The following IDO2 variants were observed in gnomAD, a reference collection of about 807,000 sequenced individuals.
The protein encoded by IDO2 is indoleamine 2,3-dioxygenase-like 1 protein.
Under a neutral mutation model 45.1 loss-of-function variants are expected in IDO2, and 46 were observed. That is an observed-to-expected ratio of 1.02 (90% CI 0.80 to 1.30). IDO2 has a LOEUF of 1.30. Among genes scored for constraint, IDO2 ranks in the 50% most tolerant of loss-of-function variants. The pLI, the probability that IDO2 is intolerant of heterozygous loss-of-function variation, is 0.00. For missense variants in IDO2, 544 were observed against 491.8 expected (o/e 1.11, Z -1.00); for synonymous variants, 218 against 184.9 (o/e 1.18, Z -1.45).
At position 40,011,818 on chromosome 8, in the gene IDO2, A is replaced by C. The variant is rs60819849; in HGVS notation, c.720-1747A>C. The stretch of plus-strand genomic sequence containing the variant: ...CTAAGCCAAGGCTCACTGTTAATAA[A>C]TAGCAAAGGTAAAATTAAATTCCAT... On this transcript the variant is annotated intron_variant, in intron 9 of 10. Transcript: ENST00000502986. Among the ~76,000 whole-genome samples, 952 of 152,358 alleles carry C rather than the reference A, an allele frequency of 6.2e-3. 13 individuals are homozygous for C. The highest frequency in any genetic ancestry group is 0.022 in the African/African-American group (905 of 41,584).
chr8:39,966,123 G>T (rs1467458583), intron 3 of IDO2, among the ~76,000 whole-genome samples: 2 of 147,930 alleles, frequency 1.4e-5, no homozygotes, highest in Non-Finnish European at 3.0e-5. Context: ...CCAGCTCCCA[G>T]GTTCAAGCAA....
At chr8:40,013,101 C>G (rs1802331753) in intron 9 of IDO2, among the ~76,000 whole-genome samples, 1 of 151,862 alleles carries the variant, frequency 6.6e-6, no homozygotes, top group Non-Finnish European at 1.5e-5. Flanking sequence ...CTGTGTGTAT[C>G]TGTGTATGTA....
rs188392056 is a variant in IDO2, at chr8:40,004,797, A to G, written c.668-530A>G. ...TGGAATAGATCAAAAATAGTTGTTT[A>G]TATTAATGAAGGTAGCTAAACATGA... On this transcript the variant is annotated intron_variant, in intron 8 of 10. Coordinates refer to ENST00000502986, the Ensembl canonical transcript of IDO2. Among the ~76,000 whole-genome samples the G allele has an allele frequency of 2.6e-3, 400 of 152,340 alleles. 6 individuals carry two copies. Among genetic ancestry groups the G allele is most frequent in the African/African-American group, 9.1e-3 (380 of 41,576 alleles).
At chr8:39,975,064 G>A (rs141145931) in intron 3 of IDO2, among the ~76,000 whole-genome samples, 3,637 of 151,970 alleles carry the variant, frequency 0.024, 140 homozygotes, top group African/African-American at 0.082. Flanking sequence ...AGCCGAGATC[G>A]TGCCATCATG....
intron 2 of IDO2, among the ~76,000 whole-genome samples, chr8:39,950,364 T>G (rs1209290262): frequency 6.6e-6 from 1 of 152,070 alleles, no homozygotes; most frequent in African/African-American, 2.4e-5. Flanking sequence ...AAACCCCGTC[T>G]CTACTAAAAA....
rs566195674 is a variant in IDO2 at position 39,995,546 on chromosome 8, T to G, written c.667+5708T>G. Among the ~76,000 whole-genome samples, 22 of 152,042 alleles carry G rather than the reference T, an allele frequency of 1.4e-4. No homozygotes were observed. The South Asian group carries it at 4.6e-3, about 32-fold the overall frequency. ...ATCCACCTGCCTCGGCCTCCCAAAG[T>G]GCTGGGTGTGGGCGGCAAGCCACCC... is the stretch of plus-strand genomic sequence containing the variant. On this transcript the variant is annotated intron_variant, in intron 8 of 10. Coordinates refer to ENST00000502986, the Ensembl canonical transcript of IDO2.
At chr8:39,936,499 T>C (rs547902961) in intron 1 of IDO2, among the ~76,000 whole-genome samples, 1 of 151,974 alleles carries the variant, frequency 6.6e-6, no homozygotes, top group African/African-American at 2.4e-5. Context: ...AAAGAAAAAT[T>C]AATAGGGACT....
intron 3 of IDO2, among the ~76,000 whole-genome samples, chr8:39,972,842 C>T (rs1808200790): frequency 1.3e-5 from 2 of 152,030 alleles, no homozygotes; most frequent in Admixed American, 6.6e-5. Flanking sequence ...TCACTGAAGG[C>T]TCAGATGATC....
At chr8:39,958,511 A>C (rs7820690) in intron 2 of IDO2, among the ~76,000 whole-genome samples, 28,778 of 152,200 alleles carry the variant, frequency 0.19, 2,725 homozygotes, top group East Asian at 0.27. Context: ...ATTCTCCTGC[A>C]TCAACCTCCT....
chr8:39,966,534 G>A (rs1427091390), intron 3 of IDO2, among the ~76,000 whole-genome samples: 1 of 152,196 alleles, frequency 6.6e-6, no homozygotes, highest in East Asian at 1.9e-4. Flanking sequence ...AAAAACATGT[G>A]TTCTCTGGAT....
chr8:39,974,564 C>T (rs914601131), intron 3 of IDO2, among the ~76,000 whole-genome samples: 3 of 152,056 alleles, frequency 2.0e-5, no homozygotes, highest in Non-Finnish European at 4.4e-5. Flanking sequence ...GGGTGGATCA[C>T]CTGAGATCAG....
intron 1 of IDO2, among the ~76,000 whole-genome samples, chr8:39,935,671 A>G (rs1799560935): frequency 2.0e-5 from 3 of 152,134 alleles, no homozygotes; most frequent in African/African-American, 4.8e-5. Flanking sequence ...GCTGGCCTCA[A>G]ACTCCTGACC....
intron 1 of IDO2, among the ~76,000 whole-genome samples, chr8:39,935,445 T>C (rs1396365145): frequency 6.6e-6 from 1 of 151,990 alleles, no homozygotes; most frequent in African/African-American, 2.4e-5. Flanking sequence ...TTGTTGTTGT[T>C]GTTGTTGTTG....
chr8:40,009,206 G>C (rs1188045157), intron 9 of IDO2, among the ~76,000 whole-genome samples: 1 of 152,096 alleles, frequency 6.6e-6, no homozygotes, highest in Non-Finnish European at 1.5e-5. Flanking sequence ...GTAGAGACAG[G>C]GTTTTGCCCT....
At position 40,013,715 on chromosome 8, in the gene IDO2, T is replaced by TA; in HGVS notation, c.868+4dup. On this transcript the variant is annotated splice_region_variant and intron_variant, in intron 10 of 10. Coordinates refer to ENST00000502986, the Ensembl canonical transcript of IDO2. Reference sequence around the variant, plus strand: ...GCATTCGTCATAGCAAGGAAAGTGGTAAGTCAGACATTTTGTTTTCCCTTG... The same window carrying TA: ...GCATTCGTCATAGCAAGGAAAGTGGTAAAGTCAGACATTTTGTTTTCCCTTG... 1 of 1,597,980 alleles carries TA rather than the reference T, an allele frequency of 6.3e-7. No homozygotes were observed. Among genetic ancestry groups the TA allele is most frequent in the South Asian group, 1.1e-5 (1 of 89,182 alleles).
At chr8:39,940,697 A>G (rs1193106459) in intron 1 of IDO2, among the ~76,000 whole-genome samples, 2 of 151,930 alleles carry the variant, frequency 1.3e-5, no homozygotes, top group Non-Finnish European at 1.5e-5. Context: ...ATCTAACTAT[A>G]ATTTTGTACC....
rs767432093 is a variant in IDO2 at position 39,995,185 on chromosome 8, T to TCTCCTTCTCCTTCTCCTTCTC, written c.667+5349_667+5350insCCTTCTCCTTCTCCTTCTCCT. 5.6e-4 allele frequency: 58 copies of TCTCCTTCTCCTTCTCCTTCTC among 103,664 alleles called. 1 individual carries two copies. Among genetic ancestry groups the TCTCCTTCTCCTTCTCCTTCTC allele is most frequent in the Non-Finnish European group, 9.1e-4 (47 of 51,484 alleles). The allele number at this position is 103,664 out of a possible 1,614,324, so 6.4% of individuals were successfully genotyped here. ...TCCTCCTCCTCCTCTTCTTCCTTCT[T>TCTCCTTCTCCTTCTCCTTCTC]CTTCTTCTTCTTCTTCTCCTTCTCC... On this transcript the variant is annotated intron_variant, in intron 8 of 10. Transcript: ENST00000502986.
chr8:39,949,946 A>G (rs867599372), intron 2 of IDO2, among the ~76,000 whole-genome samples: 18 of 152,272 alleles, frequency 1.2e-4, no homozygotes, highest in African/African-American at 4.1e-4. Flanking sequence ...TAGGGCTCAA[A>G]TTGTAATGCA....
chr8:39,963,013 T>C (rs1426332875), intron 2 of IDO2, among the ~76,000 whole-genome samples: 1 of 152,242 alleles, frequency 6.6e-6, no homozygotes, highest in Non-Finnish European at 1.5e-5. Flanking sequence ...CCTTTCAGCC[T>C]TTAGACTGTT....
Sources: allele counts gnomAD v4.1 joint callset (sites outside exome capture counted in the v4.1 genomes callset), GRCh38; gene constraint gnomAD v4.1.1; transcripts MANE v1.5; gene names NCBI Gene and HGNC (gene_info 2026-07-23, HGNC 2026-07-21).